DKKL1: variants seen among roughly 807,000 people sequenced by gnomAD.
DKKL1 encodes dickkopf like acrosomal protein 1, also known as dickkopf-like protein 1.
DKKL1 carries 11 observed loss-of-function variants against 16.5 expected under a neutral mutation model. That is an observed-to-expected ratio of 0.67 (90% CI 0.42 to 1.10). The LOEUF is 1.10. DKKL1 is among the 50% of genes least tolerant of loss of function. The probability of loss-of-function intolerance (pLI) is 0.00; values close to 1 mark genes in which losing one functional copy is unlikely to be tolerated. For synonymous variants in DKKL1, 119 were observed against 133.2 expected (o/e 0.89, Z 0.73); for missense variants, 320 against 308.1 (o/e 1.04, Z -0.29).
intron 2 of DKKL1, among the ~76,000 whole-genome samples, chr19:49,365,025 TTGCAGGTACA>T (rs1973195392): frequency 6.6e-6 from 1 of 151,748 alleles, no homozygotes; most frequent in Non-Finnish European, 1.5e-5. Flanking sequence ...TAAAAAATAG[TTGCAGGTACA>T]TGCGCCTATA....
intron 4 of DKKL1, chr19:49,368,762 T>G (rs1330089430): frequency 6.6e-6 from 1 of 152,206 alleles, no homozygotes; most frequent in Non-Finnish European, 1.5e-5. Flanking sequence ...TTAGTAACTC[T>G]TTTTTAAACC....
At chr19:49,368,888 T>A (rs1159622120) in intron 4 of DKKL1, 1 of 152,250 alleles carries the variant, frequency 6.6e-6, no homozygotes, top group Non-Finnish European at 1.5e-5. Flanking sequence ...GCTTATGCCC[T>A]TTCCTTATTT....
At chr19:49,372,038 G>C (rs539816123) in intron 4 of DKKL1, among the ~76,000 whole-genome samples, 1 of 152,066 alleles carries the variant, frequency 6.6e-6, no homozygotes, top group South Asian at 2.1e-4. Flanking sequence ...AATTGGGTTG[G>C]TTCCAATTCT....
intron 4 of DKKL1, among the ~76,000 whole-genome samples, chr19:49,367,897 C>G (rs949405539): frequency 1.3e-5 from 2 of 152,146 alleles, no homozygotes; most frequent in African/African-American, 4.8e-5. Context: ...AATTTCAGGA[C>G]AGGCACAGTG....
rs765497457 is a variant in DKKL1 at position 49,363,893 on chromosome 19, C to T, written c.-106C>T. 6.7e-7 allele frequency: 1 copy of T among 1,496,330 alleles called. No homozygotes were observed. The highest frequency in any genetic ancestry group is 9.1e-7 in the Non-Finnish European group (1 of 1,096,388). The allele number at this position is 1,496,330 out of a possible 1,614,324, so 92.7% of individuals were successfully genotyped here. ...CTCTAGACCAGACCTGGGCTCGAGA[C>T]CATAACTGTTTGGCTTTAACAGTAC... On this transcript the variant is annotated 5_prime_UTR_variant, in exon 1 of 5. Coordinates refer to ENST00000221498, the MANE Select transcript of DKKL1 (RefSeq NM_014419.4).
intron 1 of DKKL1, 114 bp from the exon 2 acceptor site, chr19:49,364,468 G>A: frequency 1.3e-6 from 1 of 787,534 alleles, no homozygotes; most frequent in Non-Finnish European, 2.0e-6. Context: ...GGAAATGAGC[G>A]CGGTGTGGGA....
chr19:49,374,796 G>A lies in DKKL1; in HGVS notation c.497G>A (p.Arg166Gln), dbSNP rs111233735. ...TDSFHTELHPRVAFWIIKLPR... is the reference protein window; with the variant it reads ...TDSFHTELHPQVAFWIIKLPR... ...AGCTTCCACACAGAACTCCATCCCC[G>A]GGTGGCCTTCTGGATCATTAAGCTG... Residue 166 changes from arginine to glutamine, a missense_variant, in exon 5 of 5, where the codon CGG becomes CAG. Coordinates refer to ENST00000221498, the MANE Select transcript of DKKL1 (RefSeq NM_014419.4). The A allele has an allele frequency of 3.6e-3, 5,747 of 1,612,164 alleles. 129 individuals are homozygous for A. In the African/African-American group the frequency reaches 0.053, roughly 15 times the overall value.
At chr19:49,368,798 A>T (rs1441741134) in intron 4 of DKKL1, 1 of 152,182 alleles carries the variant, frequency 6.6e-6, no homozygotes, top group Non-Finnish European at 1.5e-5. Context: ...GTTAGATATA[A>T]GGAAATAAGT....
chr19:49,367,337 A>G (rs1029111142), intron 4 of DKKL1, among the ~76,000 whole-genome samples: 21 of 152,066 alleles, frequency 1.4e-4, no homozygotes, highest in African/African-American at 4.8e-4. Context: ...CGCCTGGCCC[A>G]AAATGTGATT....
rs375995405 is a variant in DKKL1, at chr19:49,364,689, G to A, written c.118G>A (p.Glu40Lys). Residue 40 changes from glutamate to lysine, a missense_variant, in exon 2 of 5, where the codon GAG (glutamate) becomes AAG (lysine). Transcript: ENST00000221498. ...AAPIHDADAQ[E>K]SSLGLTGLQS... ...TCCTATCCATGATGCTGACGCCCAA[G>A]AGAGCTCCTTGGGTCTCACAGGCCT... The A allele has an allele frequency of 6.2e-6, 10 of 1,614,104 alleles. No individual in the cohort carries two copies. The African/African-American group carries it at 1.3e-4, about 22-fold the overall frequency.
rs761338559 is a variant in DKKL1 at position 49,364,772 on chromosome 19, G to T, written c.183+18G>T. The T allele has an allele frequency of 5.0e-6, 8 of 1,607,830 alleles. No homozygotes were observed. The African/African-American group carries it at 1.1e-4, about 21-fold the overall frequency. ...TCCTGAAAGTAAGCGATGGCGGGGG[G>T]ATGGGGGAAGAAGTACTGAGAAGAG... On this transcript the variant is annotated intron_variant, in intron 2 of 4. Transcript: ENST00000221498.
At chr19:49,374,125 C>G (rs1170356315) in intron 4 of DKKL1, among the ~76,000 whole-genome samples, 1 of 152,094 alleles carries the variant, frequency 6.6e-6, no homozygotes, top group Non-Finnish European at 1.5e-5. Flanking sequence ...GCTGGGACTA[C>G]AGGCGCCCGC....
upstream of DKKL1, among the ~76,000 whole-genome samples, chr19:49,361,229 GTGAC>G (rs1972893347): frequency 6.8e-6 from 1 of 147,926 alleles, no homozygotes; most frequent in African/African-American, 2.5e-5. Context: ...GAGAGAGAGG[GTGAC>G]AGAGACCCAG....
intron 4 of DKKL1, among the ~76,000 whole-genome samples, chr19:49,371,856 G>A (rs1410911661): frequency 1.3e-5 from 2 of 151,842 alleles, no homozygotes; most frequent in African/African-American, 4.8e-5. Context: ...CCACTTGAGT[G>A]ATAACATGCA....
chr19:49,370,692 C>T (rs1416408314), intron 4 of DKKL1: 1 of 152,136 alleles, frequency 6.6e-6, no homozygotes, highest in Non-Finnish European at 1.5e-5. Context: ...AAAAAGTTCC[C>T]ATAGATAATC....
chr19:49,365,424 G>T, intron 2 of DKKL1, 85 bp from the exon 3 acceptor site: 1 of 1,457,444 alleles, frequency 6.9e-7, no homozygotes, highest in South Asian at 1.6e-5. Context: ...GCAAGGCCTC[G>T]GGAGCATCCT....
rs932221614 is a variant in DKKL1, at chr19:49,374,275, T to C, written c.418-442T>C. Among the ~76,000 whole-genome samples the C allele has an allele frequency of 4.6e-5, 7 of 152,308 alleles. No homozygotes were observed. The East Asian group carries it at 1.2e-3, about 25-fold the overall frequency. On this transcript the variant is annotated intron_variant, in intron 4 of 4. Transcript: ENST00000221498. The stretch of plus-strand genomic sequence containing the variant: ...TGCTGGGATTACAGGCATGAGCCAC[T>C]GCACCTGGCCCCTTGAAAGCTTTTG...
chr19:49,371,251 C>G (rs1016632806), intron 4 of DKKL1: 31 of 152,346 alleles, frequency 2.0e-4, no homozygotes, highest in African/African-American at 7.5e-4. Flanking sequence ...GAAGTCCCTA[C>G]AGATTTTTTG....
intron 4 of DKKL1, 89 bp downstream of exon 4, chr19:49,365,974 C>G (rs1973237363): frequency 6.3e-6 from 8 of 1,278,410 alleles, no homozygotes; most frequent in Non-Finnish European, 8.6e-6. Flanking sequence ...GTCACCCAGG[C>G]TGGAGTGCAG....
Sources: gnomAD v4.1 joint callset for allele counts (sites outside exome capture counted in the v4.1 genomes callset) on GRCh38, gnomAD v4.1.1 for gene constraint, MANE v1.5 for transcripts, NCBI Gene and HGNC (gene_info 2026-07-23, HGNC 2026-07-21) for gene names.